PLCD4: variants seen among roughly 807,000 people sequenced by gnomAD.
PLCD4 encodes the protein phospholipase C delta 4, also known as 1-phosphatidylinositol 4,5-bisphosphate phosphodiesterase delta-4.
In PLCD4, 63 loss-of-function variants were observed where a neutral mutation model predicts 90.2. That is an observed-to-expected ratio of 0.70 (90% CI 0.57 to 0.86). The LOEUF is 0.86. Among genes scored for constraint, PLCD4 ranks in the 40% least tolerant of loss-of-function variants. The probability of loss-of-function intolerance (pLI) is 0.00; values close to 1 mark genes in which losing one functional copy is unlikely to be tolerated. For synonymous variants in PLCD4, 294 were observed against 356.5 expected (o/e 0.82, Z 1.97); for missense variants, 830 against 956.3 (o/e 0.87, Z 1.74).
chr2:218,636,782 T>C lies in PLCD4; in HGVS notation c.*205T>C, dbSNP rs1696784423. On this transcript the variant is annotated 3_prime_UTR_variant, in exon 16 of 16. Transcript: ENST00000450993. ...TCTCTTTTCTTCCCTTCCTTTGTTTTCATAAGCCTTTGGTATCTTTCCTGC... is the reference window on the plus strand; with the variant it reads ...TCTCTTTTCTTCCCTTCCTTTGTTTCCATAAGCCTTTGGTATCTTTCCTGC... 1 of 644,408 alleles carries C rather than the reference T, an allele frequency of 1.6e-6. No homozygotes were observed. Among genetic ancestry groups the C allele is most frequent in the African/African-American group, 1.8e-5 (1 of 54,748 alleles). 39.9% of individuals were successfully genotyped at this position (644,408 alleles called of 1,614,324 possible).
rs182276911 is a variant in PLCD4, at chr2:218,612,155, G to A, written c.-33-3552G>A. Among the ~76,000 whole-genome samples the A allele has an allele frequency of 5.0e-3, 753 of 151,948 alleles. 3 individuals carry two copies. Among genetic ancestry groups the A allele is most frequent in the African/African-American group, 0.012 (497 of 41,436 alleles). On this transcript the variant is annotated intron_variant, in intron 1 of 15. Coordinates refer to ENST00000450993, the MANE Select transcript of PLCD4 (RefSeq NM_032726.4). ...GATCTCTTGACTTTGTGATCCACCC[G>A]CCTCGGCCTCCCAAAGTGCTGGGAT...
chr2:218,608,838 G>T (rs754119914), intron 1 of PLCD4, among the ~76,000 whole-genome samples: 18 of 152,104 alleles, frequency 1.2e-4, no homozygotes, highest in Admixed American at 5.9e-4. Flanking sequence ...GTCTGGATTA[G>T]ATGTGTTATA....
At chr2:218,622,596 A>G in intron 5 of PLCD4, 51 bp from the exon 6 acceptor site, 6 of 1,351,444 alleles carry the variant, frequency 4.4e-6, no homozygotes, top group Non-Finnish European at 6.0e-6. Flanking sequence ...TTAAAAAGAT[A>G]ACATTTCCCA....
chr2:218,631,747 G>A (rs1005611202), intron 9 of PLCD4, among the ~76,000 whole-genome samples: 1 of 150,712 alleles, frequency 6.6e-6, no homozygotes, highest in African/African-American at 2.4e-5. Flanking sequence ...AGCTGAGATT[G>A]CGCCACTGCA....
At chr2:218,630,949 C>A in intron 9 of PLCD4, 147 bp downstream of exon 9, 1 of 846,620 alleles carries the variant, frequency 1.2e-6, no homozygotes, top group Non-Finnish European at 1.8e-6. Context: ...TCCTTGGAGA[C>A]AATTTTAACT....
Position 218,630,739 on chromosome 2 carries a change from G to A in PLCD4, c.1209G>A (p.Leu403=). The change falls in exon 9 of 16, where the codon CTG becomes CTA. Residue 403 remains leucine (L), a synonymous_variant. Coordinates refer to ENST00000450993, the MANE Select transcript of PLCD4 (RefSeq NM_032726.4). ...QTMARHLTEI[L]GEQLLSTTLD... ...TGGCCCGTCATCTGACTGAGATCCT[G>A]GGGGAGCAGCTGCTGAGCACCACCT... 6.2e-7 allele frequency: 1 copy of A among 1,613,968 alleles called. No homozygotes were observed. The highest frequency in any genetic ancestry group is 8.5e-7 in the Non-Finnish European group (1 of 1,179,880).
rs1362660602 is a variant in PLCD4 at position 218,636,971 on chromosome 2, C to G, written c.*394C>G. 3 of 452,594 alleles carry G rather than the reference C, an allele frequency of 6.6e-6. No homozygotes were observed. The highest frequency in any genetic ancestry group is 1.3e-5 in the Non-Finnish European group (3 of 225,586). The allele number at this position is 452,594 out of a possible 1,614,324, so 28.0% of individuals were successfully genotyped here. A position where few individuals can be genotyped will look rare whatever the true frequency, so the allele number is the denominator to read the frequency against. Reference sequence around the variant, plus strand: ...GGAATAGAGAAACCTAAAGAAGCATCATCCCCTCCATCCCCAACTTCCTCA... The same window carrying G: ...GGAATAGAGAAACCTAAAGAAGCATGATCCCCTCCATCCCCAACTTCCTCA... On this transcript the variant is annotated 3_prime_UTR_variant, in exon 16 of 16. Transcript: ENST00000450993.
At chr2:218,635,551 C>T (rs1696678766) in intron 13 of PLCD4, among the ~76,000 whole-genome samples, 1 of 152,114 alleles carries the variant, frequency 6.6e-6, no homozygotes, top group African/African-American at 2.4e-5. Context: ...GTTGGCCAGG[C>T]TGGTCTCCTG....
At position 218,636,875 on chromosome 2, in the gene PLCD4, G is replaced by C. The variant is rs1696792392; in HGVS notation, c.*298G>C. 2.0e-6 allele frequency: 1 copy of C among 493,038 alleles called. No homozygotes were observed. The highest frequency in any genetic ancestry group is 1.9e-5 in the African/African-American group (1 of 51,458). 30.5% of individuals were successfully genotyped at this position (493,038 alleles called of 1,614,324 possible). A position where few individuals can be genotyped will look rare whatever the true frequency, so the allele number is the denominator to read the frequency against. ...CTTGCTGTAGGCTCAATCCCATACC[G>C]ACATCTACAACTAATCTTTCCCATC... On this transcript the variant is annotated 3_prime_UTR_variant, in exon 16 of 16. Coordinates refer to ENST00000450993, the MANE Select transcript of PLCD4 (RefSeq NM_032726.4).
At chr2:218,615,791 G>A in intron 2 of PLCD4, 30 bp downstream of exon 2, 1 of 1,603,028 alleles carries the variant, frequency 6.2e-7, no homozygotes, top group East Asian at 2.2e-5. Context: ...CAGGGGAAGA[G>A]GCCTTAGTGT....
At chr2:218,635,615 G>A (rs989327916) in intron 13 of PLCD4, among the ~76,000 whole-genome samples, 181 bp from the exon 14 acceptor site, 1 of 152,204 alleles carries the variant, frequency 6.6e-6, no homozygotes. Context: ...TTACAGGTGT[G>A]AGCCACCGTG....
Position 218,634,766 on chromosome 2 carries a change from C to A in PLCD4, c.1896+136C>A. On this transcript the variant is annotated intron_variant, in intron 13 of 15. Transcript: ENST00000450993. The surrounding 1 kb of genome is among the most constrained non-coding windows in gnomAD (Gnocchi z 4.0). ...GTCTAGTTTTAGCTTTTGGAGCCAG[C>A]TGCCTAGCTTCAAACCACAACTTCC... 1 of 1,076,088 alleles carries A rather than the reference C, an allele frequency of 9.3e-7. No individual in the cohort carries two copies. The highest frequency in any genetic ancestry group is 1.3e-6 in the Non-Finnish European group (1 of 744,956). The allele number at this position is 1,076,088 out of a possible 1,614,324, so 66.7% of individuals were successfully genotyped here.
chr2:218,619,468 AT>A (rs1409400705), intron 4 of PLCD4, among the ~76,000 whole-genome samples: 1 of 151,500 alleles, frequency 6.6e-6, no homozygotes, highest in Non-Finnish European at 1.5e-5. Flanking sequence ...TAATTTTTGT[AT>A]TTTTTTGAAG....
chr2:218,616,675 C>A (rs1197215154), intron 3 of PLCD4, among the ~76,000 whole-genome samples: 1 of 151,066 alleles, frequency 6.6e-6, no homozygotes, highest in Admixed American at 6.7e-5. Context: ...TGTGATCACA[C>A]CACTGCACTC....
chr2:218,636,510 G>C lies in PLCD4; in HGVS notation c.2222G>C (p.Ser741Thr), dbSNP rs1448344524. The change falls in exon 16 of 16, where the codon AGC (serine) becomes ACC (threonine). Residue 741 changes from serine to threonine, a missense_variant. Physicochemically the swap from Ser to Thr is moderately conservative, Grantham distance 58. Transcript: ENST00000450993. ...HIHLLSKDGI[S>T]LRPASIFVYI... ...CACCTGCTGTCCAAAGATGGCATCA[G>C]CCTCCGCCCAGCTTCCATCTTTGTG... The C allele has an allele frequency of 6.2e-7, 1 of 1,613,872 alleles. No homozygotes were observed. The highest frequency in any genetic ancestry group is 8.5e-7 in the Non-Finnish European group (1 of 1,179,894).
At chr2:218,623,268 T>G (rs1695962146) in intron 6 of PLCD4, among the ~76,000 whole-genome samples, 1 of 152,234 alleles carries the variant, frequency 6.6e-6, no homozygotes. Context: ...CTGGTTCTTC[T>G]TCCATGGTTC....
At chr2:218,622,553 T>A in intron 5 of PLCD4, 94 bp from the exon 6 acceptor site, 2 of 728,590 alleles carry the variant, frequency 2.7e-6, no homozygotes, top group Non-Finnish European at 4.4e-6. Flanking sequence ...ACCTACTATG[T>A]ACCCAGAAAA....
chr2:218,632,384 C>T, intron 10 of PLCD4, 72 bp downstream of exon 10: 1 of 1,464,706 alleles, frequency 6.8e-7, no homozygotes, highest in East Asian at 2.5e-5. Context: ...TTCATGAAGA[C>T]TAGAGCCGTG....
chr2:218,612,790 G>A (rs1287704823), intron 1 of PLCD4, among the ~76,000 whole-genome samples: 1 of 151,844 alleles, frequency 6.6e-6, no homozygotes, highest in East Asian at 1.9e-4. Flanking sequence ...AAAAAAGAAA[G>A]TCTTCTCAAG....
Sources: gnomAD v4.1 joint callset for allele counts (sites outside exome capture counted in the v4.1 genomes callset) on GRCh38, gnomAD v4.1.1 for gene constraint, Gnocchi (gnomAD v3.1) non-coding constraint, MANE v1.5 for transcripts, NCBI Gene and HGNC (gene_info 2026-07-23, HGNC 2026-07-21) for gene names.